FAT3: variants seen among roughly 807,000 people sequenced by gnomAD.
FAT3 encodes FAT atypical cadherin 3.
FAT3 carries 95 observed loss-of-function variants against 310.2 expected under a neutral mutation model. The observed-to-expected ratio is 0.31, with a 90% CI of 0.26 to 0.36. The LOEUF (loss-of-function observed/expected upper bound fraction) is 0.36, where lower values mean the gene tolerates loss of function less well. Ranked by LOEUF, FAT3 falls within the 10% of genes least tolerant of loss-of-function variation. FAT3 has a pLI of 1.00. For missense variants in FAT3, 5,408 were observed against 5,715.6 expected, an observed-to-expected ratio of 0.95 and a Z score of 1.74; for synonymous variants, 2,314 against 2,192.9, an observed-to-expected ratio of 1.06 and a Z score of -1.54.
chr11:92,473,378 A>G (rs1375242238), intron 2 of FAT3, among the ~76,000 whole-genome samples: 1 of 152,018 alleles, frequency 6.6e-6, no homozygotes, highest in African/African-American at 2.4e-5. Flanking sequence ...ATCAGCCACC[A>G]TCTTATTATA....
chr11:92,341,409 A>T (rs1948258971), intron 1 of FAT3, among the ~76,000 whole-genome samples: 1 of 152,126 alleles, frequency 6.6e-6, no homozygotes, highest in Non-Finnish European at 1.5e-5. Context: ...ACTGAGTACT[A>T]ATCCAGGCAA....
chr11:92,273,197 A>T (rs1229863607), intron 1 of FAT3, among the ~76,000 whole-genome samples: 1 of 152,100 alleles, frequency 6.6e-6, no homozygotes, highest in African/African-American at 2.4e-5. Flanking sequence ...CCCTGCCATT[A>T]TCTCATGTAT....
Position 92,756,584 on chromosome 11 carries a change from T to C in FAT3, c.3670-5272T>C, listed in dbSNP as rs144938478. Among the ~76,000 whole-genome samples, 413 of 152,314 alleles carry C rather than the reference T, an allele frequency of 2.7e-3. 2 individuals carry two copies. Among genetic ancestry groups the C allele is most frequent in the African/African-American group, 9.5e-3 (396 of 41,564 alleles). ...CGGCTTAAAAATATTGAATATATTC[T>C]TAGACACTCTTGTAATCACTGGGAA... is the stretch of plus-strand genomic sequence containing the variant. On this transcript the variant is annotated intron_variant, in intron 4 of 27. Transcript: ENST00000525166.
intron 3 of FAT3, among the ~76,000 whole-genome samples, chr11:92,599,806 A>G (rs1939921634): frequency 6.6e-6 from 1 of 152,238 alleles, no homozygotes; most frequent in African/African-American, 2.4e-5. Flanking sequence ...CTAGACAACC[A>G]AAATGTACAC....
chr11:92,276,400 C>T (rs1026744664), intron 1 of FAT3, among the ~76,000 whole-genome samples: 2 of 152,096 alleles, frequency 1.3e-5, no homozygotes, highest in Admixed American at 1.3e-4. Context: ...CCCCCATCTT[C>T]ATGGGAGGAG....
At chr11:92,314,362 A>G in intron 1 of FAT3, 1 of 838,734 alleles carries the variant, frequency 1.2e-6, no homozygotes, top group Non-Finnish European at 1.4e-6. Flanking sequence ...ATTTGTAAAA[A>G]AACATATGAA....
At chr11:92,434,691 C>T (rs552591641) in intron 2 of FAT3, among the ~76,000 whole-genome samples, 1 of 152,280 alleles carries the variant, frequency 6.6e-6, no homozygotes, top group African/African-American at 2.4e-5. Flanking sequence ...CCCATTTCCT[C>T]CTCTGTGGCA....
At chr11:92,747,880 C>G (rs1443634502) in intron 4 of FAT3, among the ~76,000 whole-genome samples, 1 of 152,230 alleles carries the variant, frequency 6.6e-6, no homozygotes, top group Non-Finnish European at 1.5e-5. Context: ...ATATCGCCAT[C>G]AGCATTTTGG....
At chr11:92,510,775 C>T (rs186577694) in intron 2 of FAT3, among the ~76,000 whole-genome samples, 1 of 152,350 alleles carries the variant, frequency 6.6e-6, no homozygotes, top group Admixed American at 6.5e-5. Flanking sequence ...ATCTTCCTTG[C>T]AGCTCTCCAA....
chr11:92,763,307 G>A (rs1040057906), intron 5 of FAT3, among the ~76,000 whole-genome samples: 14 of 152,012 alleles, frequency 9.2e-5, no homozygotes, highest in African/African-American at 1.2e-4. Context: ...TGCTGTGCTC[G>A]GTTATGTGTC....
At chr11:92,335,157 G>C (rs1316815790) in intron 1 of FAT3, among the ~76,000 whole-genome samples, 1 of 150,368 alleles carries the variant, frequency 6.7e-6, no homozygotes, top group Non-Finnish European at 1.5e-5. Flanking sequence ...CCCATCTTAT[G>C]TGTTAGATCT....
In FAT3 at chr11:92,844,484, A is replaced by G; in HGVS notation, c.11117A>G (p.Glu3706Gly). Residue 3706 changes from glutamate (E) to glycine (G), a missense_variant, in exon 19 of 28, where the codon GAG becomes GGG. Physicochemically the swap from Glu to Gly is moderately conservative, Grantham distance 98. Transcript: ENST00000525166. ...TNQLDMLFAV[E>G]MHSSEFYKPA... ...CAACTGGACATGCTGTTTGCGGTGG[A>G]GATGCACAGCAGCGAGTTCTACAAG... 1.2e-6 allele frequency: 2 copies of G among 1,613,952 alleles called. No homozygotes were observed. The highest frequency in any genetic ancestry group is 1.7e-6 in the Non-Finnish European group (2 of 1,179,872).
intron 13 of FAT3, among the ~76,000 whole-genome samples, chr11:92,815,146 G>A (rs1021358776): frequency 1.3e-5 from 2 of 152,160 alleles, no homozygotes; most frequent in African/African-American, 4.8e-5. Context: ...TTTGGAGTTT[G>A]GGGGATGCTA....
chr11:92,834,583 G>C (rs1044039550), intron 14 of FAT3, among the ~76,000 whole-genome samples: 1 of 152,220 alleles, frequency 6.6e-6, no homozygotes, highest in South Asian at 2.1e-4. Flanking sequence ...TTGTGTGAGA[G>C]TGAAGATGCC....
intron 2 of FAT3, among the ~76,000 whole-genome samples, chr11:92,376,971 C>T (rs1237025624): frequency 6.6e-6 from 1 of 151,920 alleles, no homozygotes; most frequent in Non-Finnish European, 1.5e-5. Context: ...TGATTATGTC[C>T]AGGCCATAAA....
At chr11:92,543,932 T>C (rs937893414) in intron 3 of FAT3, among the ~76,000 whole-genome samples, 3 of 152,198 alleles carry the variant, frequency 2.0e-5, no homozygotes, top group African/African-American at 7.2e-5. Flanking sequence ...TGTTCTGTTT[T>C]TGCAGTCCTT....
Position 92,857,255 on chromosome 11 carries a change from C to T in FAT3, c.11407C>T (p.Pro3803Ser). ...GTCCAACGATCCTTGTGTGGAGAAG[C>T]CGTGTCCAGGGGACATGCAGTGTGT... ...PGSNDPCVEKPCPGDMQCVSY... is the reference protein window; with the variant it reads ...PGSNDPCVEKSCPGDMQCVSY... Residue 3803 changes from proline to serine, a missense_variant, in exon 20 of 28, where the codon CCG becomes TCG. Pro to Ser is a moderately conservative substitution (Grantham distance 74, BLOSUM62 -1). Transcript: ENST00000525166. The T allele has an allele frequency of 6.2e-7, 1 of 1,613,972 alleles. No individual in the cohort carries two copies. The highest frequency in any genetic ancestry group is 8.5e-7 in the Non-Finnish European group (1 of 1,179,894).
chr11:92,588,948 G>A (rs1337134813), intron 3 of FAT3, among the ~76,000 whole-genome samples: 1 of 148,162 alleles, frequency 6.7e-6, no homozygotes, highest in Non-Finnish European at 1.5e-5. Flanking sequence ...CCAAAATGCA[G>A]CGGCATAATG....
At chr11:92,306,369 C>T (rs1374517482) in intron 1 of FAT3, among the ~76,000 whole-genome samples, 4 of 149,512 alleles carry the variant, frequency 2.7e-5, no homozygotes. Flanking sequence ...TTAGTAGAGT[C>T]CTAGTGAAAG....
Sources: allele counts gnomAD v4.1 joint callset (sites outside exome capture counted in the v4.1 genomes callset), GRCh38; gene constraint gnomAD v4.1.1; transcripts MANE v1.5; gene names NCBI Gene and HGNC (gene_info 2026-07-23, HGNC 2026-07-21).